FOXP2: variants seen among roughly 807,000 people sequenced by gnomAD.
FOXP2 encodes forkhead box protein P2.
In FOXP2, 12 loss-of-function variants were observed where a neutral mutation model predicts 115.8. The ratio of observed to expected loss-of-function variants is 0.10; its 90% CI spans 0.07 to 0.17. The LOEUF is 0.17. Among genes scored for constraint, FOXP2 ranks in the 10% least tolerant of loss-of-function variants. The pLI, the probability that FOXP2 is intolerant of heterozygous loss-of-function variation, is 1.00. For missense variants in FOXP2, 629 were observed against 843.5 expected, an observed-to-expected ratio of 0.75 and a Z score of 3.15; for synonymous variants, 328 against 297.7, an observed-to-expected ratio of 1.10 and a Z score of -1.05.
chr7:114,475,021 C>T (rs1254874404), intron 2 of FOXP2, among the ~76,000 whole-genome samples: 1 of 152,010 alleles, frequency 6.6e-6, no homozygotes, highest in Non-Finnish European at 1.5e-5. Flanking sequence ...ACTAGCCCAA[C>T]ATAGTCTGTA....
chr7:114,397,033 A>T (rs1394266887), intron 2 of FOXP2, among the ~76,000 whole-genome samples: 3 of 152,084 alleles, frequency 2.0e-5, no homozygotes, highest in Non-Finnish European at 2.9e-5. Context: ...TACCTCCTTC[A>T]TAATTACTAA....
chr7:114,570,933 A>G, intron 3 of FOXP2: 1 of 1,434,568 alleles, frequency 7.0e-7, no homozygotes, highest in Non-Finnish European at 9.8e-7. Flanking sequence ...AAGGCCATGG[A>G]CCCAGTCCCA....
At chr7:114,550,032 CAGGTATATGGTAGACTGGGTGCA>C (rs1305390253) in intron 3 of FOXP2, among the ~76,000 whole-genome samples, 1 of 150,700 alleles carries the variant, frequency 6.6e-6, no homozygotes, top group African/African-American at 2.4e-5. Flanking sequence ...AATACCAAGG[CAGGTATATGGTAGACTGGGTGCA>C]AGGTAATGAG....
intron 1 of FOXP2, among the ~76,000 whole-genome samples, chr7:114,212,124 T>TAAAATAAAATAA (rs1554431719): frequency 7.0e-6 from 1 of 143,086 alleles, no homozygotes. Flanking sequence ...TAAAATAAAA[T>TAAAATAAAATAA]ATATATATAT....
rs147342193 is a variant in FOXP2, at chr7:114,390,116, A to C, written c.-10-36386A>C. On this transcript the variant is annotated intron_variant, in intron 2 of 17. Transcript: ENST00000634411. ...TGGTGTAAATATTGTAAAACAACGTAATTTCAAGATACATATGAAAAATTC... is the reference window on the plus strand; with the variant it reads ...TGGTGTAAATATTGTAAAACAACGTCATTTCAAGATACATATGAAAAATTC... Among the ~76,000 whole-genome samples the C allele has an allele frequency of 3.4e-4, 52 of 152,188 alleles. No homozygotes were observed. In the East Asian group the frequency reaches 8.9e-3, roughly 26 times the overall value.
rs182942099 is a variant in FOXP2 at position 114,395,084 on chromosome 7, A to C, written c.-10-31418A>C. Among the ~76,000 whole-genome samples the C allele has an allele frequency of 6.4e-4, 97 of 152,292 alleles. 1 individual carries two copies. Among genetic ancestry groups the C allele is most frequent in the African/African-American group, 2.3e-3 (97 of 41,574 alleles). ...TTGGTCTTTAACAGTTAAGGAAAAA[A>C]ATTATCTGTACTATACTTACAACTT... On this transcript the variant is annotated intron_variant, in intron 2 of 17. Transcript: ENST00000634411.
At chr7:114,284,176 T>G (rs1796407391) in intron 1 of FOXP2, among the ~76,000 whole-genome samples, 1 of 152,042 alleles carries the variant, frequency 6.6e-6, no homozygotes, top group Non-Finnish European at 1.5e-5. Context: ...TTTCTATACA[T>G]GAATGGCACA....
intron 1 of FOXP2, among the ~76,000 whole-genome samples, chr7:114,157,622 C>A (rs997971279): frequency 5.9e-5 from 9 of 152,076 alleles, no homozygotes; most frequent in African/African-American, 2.2e-4. Flanking sequence ...AGGAGCCCCT[C>A]CCTATCCTAG....
intron 1 of FOXP2, among the ~76,000 whole-genome samples, chr7:114,241,799 G>A (rs1454451293): frequency 6.6e-6 from 1 of 151,530 alleles, no homozygotes; most frequent in Non-Finnish European, 1.5e-5. Context: ...TTTAAGTAGG[G>A]AATGACATAA....
At chr7:114,301,935 G>T (rs1796888059) in intron 2 of FOXP2, among the ~76,000 whole-genome samples, 1 of 152,106 alleles carries the variant, frequency 6.6e-6, no homozygotes, top group Admixed American at 6.6e-5. Flanking sequence ...TAAAATGGTA[G>T]AAGTATCACC....
At chr7:114,210,218 T>C (rs2129161517) in intron 1 of FOXP2, among the ~76,000 whole-genome samples, 1 of 152,294 alleles carries the variant, frequency 6.6e-6, no homozygotes, top group Non-Finnish European at 1.5e-5. Flanking sequence ...GCACTCTGGC[T>C]TTTGAGTTTT....
At chr7:114,391,707 C>G (rs1000353764) in intron 2 of FOXP2, among the ~76,000 whole-genome samples, 1 of 152,148 alleles carries the variant, frequency 6.6e-6, no homozygotes, top group Admixed American at 6.5e-5. Context: ...AACCATAAAA[C>G]GTAAGCCTTT....
chr7:114,326,378 A>G (rs1797557770), intron 2 of FOXP2, among the ~76,000 whole-genome samples: 1 of 152,236 alleles, frequency 6.6e-6, no homozygotes, highest in East Asian at 1.9e-4. Context: ...ATGGGCCCCA[A>G]TTTCACCTAC....
intron 3 of FOXP2, among the ~76,000 whole-genome samples, chr7:114,549,841 G>C (rs921644532): frequency 2.0e-4 from 31 of 151,946 alleles, no homozygotes; most frequent in Non-Finnish European, 5.9e-5. Flanking sequence ...TATAAATGTG[G>C]AAAACAAATA....
At chr7:114,638,989 A>G (rs899895659) in intron 6 of FOXP2, among the ~76,000 whole-genome samples, 4 of 152,174 alleles carry the variant, frequency 2.6e-5, no homozygotes, top group Non-Finnish European at 4.4e-5. Flanking sequence ...CTTCATTACA[A>G]TAGCACGGTT....
intron 3 of FOXP2, among the ~76,000 whole-genome samples, chr7:114,580,137 A>G (rs1337394172): frequency 6.6e-6 from 1 of 152,254 alleles, no homozygotes; most frequent in Non-Finnish European, 1.5e-5. Flanking sequence ...AGACCATCCT[A>G]CTTAAGATAT....
chr7:114,350,243 T>G (rs369177849), intron 2 of FOXP2, among the ~76,000 whole-genome samples: 2 of 152,246 alleles, frequency 1.3e-5, no homozygotes, highest in East Asian at 3.9e-4. Flanking sequence ...ACCCATCATC[T>G]AGGTTTTAAG....
chr7:114,317,469 C>A (rs867387825), intron 2 of FOXP2, among the ~76,000 whole-genome samples: 2 of 152,190 alleles, frequency 1.3e-5, no homozygotes, highest in Non-Finnish European at 2.9e-5. Flanking sequence ...TTATGATCAA[C>A]TAATGAATGG....
chr7:114,440,638 T>C (rs1794557914), intron 2 of FOXP2, among the ~76,000 whole-genome samples: 1 of 152,222 alleles, frequency 6.6e-6, no homozygotes, highest in South Asian at 2.1e-4. Flanking sequence ...GTTATATTTA[T>C]TTAAATTTGA....
Sources: allele counts gnomAD v4.1 joint callset (sites outside exome capture counted in the v4.1 genomes callset), GRCh38; gene constraint gnomAD v4.1.1; transcripts MANE v1.5; gene names NCBI Gene and HGNC (gene_info 2026-07-23, HGNC 2026-07-21).